Variants in PTPRF observed in about 807,000 individuals in gnomAD.
PTPRF encodes receptor-type tyrosine-protein phosphatase F.
PTPRF carries 59 observed loss-of-function variants against 201.8 expected under a neutral mutation model. The ratio of observed to expected loss-of-function variants is 0.29; its 90% CI spans 0.24 to 0.36. The LOEUF (loss-of-function observed/expected upper bound fraction) is 0.36, where lower values mean the gene tolerates loss of function less well. Among genes scored for constraint, PTPRF ranks in the 10% least tolerant of loss-of-function variants. The pLI, the probability that PTPRF is intolerant of heterozygous loss-of-function variation, is 1.00. For synonymous variants in PTPRF, 1,088 were observed against 1,089.7 expected, an observed-to-expected ratio of 1.00 and a Z score of 0.03; for missense variants, 2,132 against 2,690.5, an observed-to-expected ratio of 0.79 and a Z score of 4.59.
At chr1:43,587,470 C>T (rs143157746) in intron 7 of PTPRF, among the ~76,000 whole-genome samples, 166 of 152,290 alleles carry the variant, frequency 1.1e-3, no homozygotes, top group African/African-American at 3.9e-3. Context: ...TAAGTTTTGA[C>T]CCCTGTATGG....
Position 43,554,091 on chromosome 1 carries a change from A to T in PTPRF, c.379+150A>T. 1 of 1,148,222 alleles carries T rather than the reference A, an allele frequency of 8.7e-7. No individual in the cohort carries two copies. Among genetic ancestry groups the T allele is most frequent in the Non-Finnish European group, 1.2e-6 (1 of 821,164 alleles). The allele number at this position is 1,148,222 out of a possible 1,614,324, so 71.1% of individuals were successfully genotyped here. A position where few individuals can be genotyped will look rare whatever the true frequency, so the allele number is the denominator to read the frequency against. ...CAGTGAAAGTCAGTGGTGGACAGGG[A>T]TAGTCATTGGATCTGGCCTGGATTG... On this transcript the variant is annotated intron_variant, in intron 5 of 33. Transcript: ENST00000359947. The surrounding 1 kb of genome is among the most constrained non-coding windows in gnomAD (Gnocchi z 4.1).
In PTPRF at chr1:43,591,395, C is replaced by G; in HGVS notation, c.1373C>G (p.Pro458Arg). 1 of 1,564,314 alleles carries G rather than the reference C, an allele frequency of 6.4e-7. No homozygotes were observed. Among genetic ancestry groups the G allele is most frequent in the Non-Finnish European group, 8.7e-7 (1 of 1,155,932 alleles). ...RVYYTPDSRR[P>R]PNAWHKHNTD... The stretch of plus-strand genomic sequence containing the variant: ...TACTATACTCCGGACTCCCGCCGCC[C>G]CCCGAACGCCTGGCACAAGCACAAC... The change falls in exon 9 of 34, where the codon CCC becomes CGC. Residue 458 changes from proline to arginine, a missense_variant. Around this residue, in one of 6 missense-constraint regions of PTPRF, gnomAD observed 351 missense variants for 401.7 expected, o/e 0.87. Transcript: ENST00000359947.
At chr1:43,590,004 G>A (rs2154009254) in intron 8 of PTPRF, among the ~76,000 whole-genome samples, 1 of 152,332 alleles carries the variant, frequency 6.6e-6, no homozygotes, top group Middle Eastern at 3.4e-3. Flanking sequence ...TTAGGAAAGG[G>A]AGAAACACCT....
chr1:43,558,631 T>C (rs1157028390), intron 5 of PTPRF, among the ~76,000 whole-genome samples: 2 of 152,110 alleles, frequency 1.3e-5, no homozygotes, highest in Non-Finnish European at 2.9e-5. Flanking sequence ...CGCCGGGTAA[T>C]GGCAGGAAAA....
At chr1:43,619,225 A>G (rs1658593583) in intron 27 of PTPRF, 23 bp downstream of exon 27, 1 of 916,582 alleles carries the variant, frequency 1.1e-6, no homozygotes, top group Non-Finnish European at 1.6e-6. Flanking sequence ...AGTGCCACCC[A>G]GAGGGGTGGG....
chr1:43,523,457 G>C (rs536178824), upstream of PTPRF, among the ~76,000 whole-genome samples: 1 of 152,270 alleles, frequency 6.6e-6, no homozygotes, highest in Non-Finnish European at 1.5e-5. Context: ...GAGTGGAGGA[G>C]GATGACCCCG....
chr1:43,601,670 C>T (rs891502363), intron 13 of PTPRF, among the ~76,000 whole-genome samples: 1 of 152,240 alleles, frequency 6.6e-6, no homozygotes, highest in African/African-American at 2.4e-5. Flanking sequence ...TATGGGCACC[C>T]CATTCACCCC....
rs1167949818 is a variant in PTPRF at position 43,598,779 on chromosome 1, G to A, written c.2179G>A (p.Val727Ile). 2.5e-6 allele frequency: 4 copies of A among 1,614,088 alleles called. No homozygotes were observed. Among genetic ancestry groups the A allele is most frequent in the South Asian group, 1.1e-5 (1 of 91,088 alleles). ...GCCACTGAACTCCACTGCTGTGCAT[G>A]TCTACTGGAAGCTGCCTGTCCCCAG... is the stretch of plus-strand genomic sequence containing the variant. Reference protein sequence around the residue: ...VEPLNSTAVHVYWKLPVPSKQ... With the variant: ...VEPLNSTAVHIYWKLPVPSKQ... The change falls in exon 13 of 34, where the codon GTC (valine) becomes ATC (isoleucine). Residue 727 changes from valine (V) to isoleucine (I), a missense_variant. Coordinates refer to ENST00000359947, the MANE Select transcript of PTPRF (RefSeq NM_002840.5).
chr1:43,602,179 C>G (rs1268013201), intron 14 of PTPRF, 82 bp downstream of exon 14: 2 of 1,502,880 alleles, frequency 1.3e-6, no homozygotes, highest in African/African-American at 1.4e-5. Flanking sequence ...TCCTTTCCTG[C>G]TAGCCTGCAC....
intron 3 of PTPRF, among the ~76,000 whole-genome samples, chr1:43,550,873 T>G (rs1166423726): frequency 6.6e-6 from 1 of 151,778 alleles, no homozygotes; most frequent in Non-Finnish European, 1.5e-5. Context: ...TGAATGGAAG[T>G]TAGAGTGTAT....
chr1:43,619,420 G>A lies in PTPRF; in HGVS notation c.4779G>A (p.Thr1593=), dbSNP rs868201016. Residue 1593 remains threonine (T), a synonymous_variant, in exon 28 of 34, where the codon ACG becomes ACA. Transcript: ENST00000359947. ...MRSQRNYMVQ[T]EDQYVFIHEA... is the part of the protein sequence containing the mutation. ...CACAGAGGAACTACATGGTGCAGAC[G>A]GAGGACCAGTACGTGTTCATCCATG... is the stretch of plus-strand genomic sequence containing the variant. 2.4e-5 allele frequency: 39 copies of A among 1,614,010 alleles called. No homozygotes were observed. The highest frequency in any genetic ancestry group is 1.6e-4 in the Middle Eastern group (1 of 6,084).
chr1:43,549,838 G>C (rs955264424), intron 3 of PTPRF, among the ~76,000 whole-genome samples: 4 of 151,870 alleles, frequency 2.6e-5, no homozygotes, highest in African/African-American at 9.7e-5. Context: ...CTCCAACCTG[G>C]GTGACAAAGT....
chr1:43,535,967 G>T (rs1344313888), intron 1 of PTPRF, among the ~76,000 whole-genome samples: 2 of 152,100 alleles, frequency 1.3e-5, no homozygotes, highest in Non-Finnish European at 2.9e-5. Context: ...ACAGGGTTTT[G>T]TCATGTTGTC....
chr1:43,618,552 G>T, intron 25 of PTPRF, 78 bp from the exon 26 acceptor site: 1 of 1,528,876 alleles, frequency 6.5e-7, no homozygotes, highest in South Asian at 1.2e-5. Flanking sequence ...CAGCCAGGGA[G>T]TTGACCAGCC....
chr1:43,602,148 G>T, intron 14 of PTPRF, 51 bp downstream of exon 14: 3 of 1,572,688 alleles, frequency 1.9e-6, no homozygotes, highest in Non-Finnish European at 2.6e-6. Context: ...AGCTGGGCTC[G>T]TGGGACGCTC....
intron 6 of PTPRF, among the ~76,000 whole-genome samples, chr1:43,575,630 ACT>A (rs1646871786): frequency 6.7e-6 from 1 of 149,176 alleles, no homozygotes. Flanking sequence ...AGGAGTCCTG[ACT>A]CACCTCCCTG....
At chr1:43,583,142 A>G (rs1440589360) in intron 7 of PTPRF, 1 of 972,956 alleles carries the variant, frequency 1.0e-6, no homozygotes, top group South Asian at 4.8e-5. Flanking sequence ...CATCGATGGG[A>G]CACGCCTGTC....
At chr1:43,551,159 C>T (rs1304566607) in intron 3 of PTPRF, among the ~76,000 whole-genome samples, 2 of 152,038 alleles carry the variant, frequency 1.3e-5, no homozygotes, top group Non-Finnish European at 1.5e-5. Flanking sequence ...CAGGGGCTTC[C>T]GCGTGTTAGG....
intron 6 of PTPRF, among the ~76,000 whole-genome samples, chr1:43,576,275 C>T (rs983503395): frequency 2.6e-5 from 4 of 152,268 alleles, no homozygotes; most frequent in African/African-American, 9.6e-5. Context: ...GACAGAAGAG[C>T]TTCCCTTGAG....
Sources: allele counts gnomAD v4.1 joint callset (sites outside exome capture counted in the v4.1 genomes callset), GRCh38; gene constraint gnomAD v4.1.1; regional missense constraint gnomAD v4.1.1; non-coding constraint Gnocchi (gnomAD v3.1); transcripts MANE v1.5; gene names NCBI Gene and HGNC (gene_info 2026-07-23, HGNC 2026-07-21).